Variants in PCDH11X observed in about 807,000 individuals in gnomAD.
PCDH11X encodes the protein protocadherin 11 X-linked, also known as protocadherin-11 X-linked.
Under a neutral mutation model 53.3 loss-of-function variants are expected in PCDH11X, and 18 were observed. That is an observed-to-expected ratio of 0.34 (90% CI 0.23 to 0.50). PCDH11X has a LOEUF of 0.50. Ranked by LOEUF, PCDH11X falls within the 20% of genes least tolerant of loss-of-function variation. The pLI is 0.98. For missense variants in PCDH11X, 570 were observed against 1,032.4 expected (o/e 0.55, Z 6.14); for synonymous variants, 279 against 393.3 (o/e 0.71, Z 3.44).
intron 8 of PCDH11X, among the ~76,000 whole-genome samples, chrX:92,290,592 C>T (rs781460650): frequency 1.6e-4 from 18 of 112,257 alleles, no homozygotes; most frequent in African/African-American, 4.2e-4. Flanking sequence ...AAATTATCCT[C>T]TTATGTTGTC....
intron 6 of PCDH11X, among the ~76,000 whole-genome samples, chrX:91,993,598 TCCCC>T (rs1423482731): frequency 7.2e-5 from 8 of 110,690 alleles, no homozygotes; most frequent in Non-Finnish European, 1.3e-4. Context: ...GGCTTTTTTC[TCCCC>T]CTCCTTTAGA....
intron 5 of PCDH11X, among the ~76,000 whole-genome samples, chrX:91,852,812 G>A (rs1397121306): frequency 1.9e-5 from 2 of 107,424 alleles, no homozygotes; most frequent in Non-Finnish European, 3.8e-5. Flanking sequence ...ATGTTTTCTC[G>A]GGTTGCGGTG....
chrX:92,149,382 T>C (rs903378809), intron 6 of PCDH11X, among the ~76,000 whole-genome samples: 2 of 110,123 alleles, frequency 1.8e-5, no homozygotes, highest in Non-Finnish European at 3.8e-5. Flanking sequence ...AGACAATCCA[T>C]TTGTGACAAG....
chrX:91,886,265 G>A (rs962669118), intron 6 of PCDH11X, among the ~76,000 whole-genome samples: 1 of 110,605 alleles, frequency 9.0e-6, no homozygotes, highest in African/African-American at 3.3e-5. Flanking sequence ...TGGTCTCTCT[G>A]GTTCTTATTC....
At chrX:92,598,234 C>A (rs185766651) in intron 10 of PCDH11X, among the ~76,000 whole-genome samples, 11,766 of 110,096 alleles carry the variant, frequency 0.11, 715 homozygotes, top group African/African-American at 0.22. Flanking sequence ...AAACAATCAA[C>A]AAAGTGAAGA....
intron 6 of PCDH11X, among the ~76,000 whole-genome samples, chrX:92,147,014 A>G (rs1173168351): frequency 1.8e-5 from 2 of 110,583 alleles, no homozygotes; most frequent in African/African-American, 6.6e-5. Context: ...AAAGAAATAA[A>G]TACTCAGAGA....
intron 6 of PCDH11X, among the ~76,000 whole-genome samples, chrX:92,064,552 C>T (rs2063577230): frequency 9.2e-6 from 1 of 109,226 alleles, no homozygotes; most frequent in Non-Finnish European, 1.9e-5. Flanking sequence ...ACTATGTGGT[C>T]AGTCTTTCCT....
intron 6 of PCDH11X, among the ~76,000 whole-genome samples, chrX:92,054,393 G>C (rs1453874839): frequency 9.0e-6 from 1 of 111,625 alleles, no homozygotes; most frequent in African/African-American, 3.3e-5. Flanking sequence ...AATCCAACAA[G>C]ATATTTTATG....
chrX:92,575,892 G>T, intron 10 of PCDH11X, among the ~76,000 whole-genome samples: 1 of 65,650 alleles, frequency 1.5e-5, no homozygotes, highest in Non-Finnish European at 2.8e-5. Context: ...GAATTTTGTA[G>T]GTTACCTGGT....
chrX:92,062,348 C>A (rs750365431), intron 6 of PCDH11X, among the ~76,000 whole-genome samples: 1 of 111,151 alleles, frequency 9.0e-6, no homozygotes, highest in Non-Finnish European at 1.9e-5. Context: ...ATTCCTAGGA[C>A]TTCCAGTACT....
chrX:92,292,212 TCTG>T (rs201378066), intron 8 of PCDH11X, among the ~76,000 whole-genome samples: 3,617 of 111,740 alleles, frequency 0.032, 112 homozygotes, highest in East Asian at 0.26. Context: ...CTTCTCAAAG[TCTG>T]CTGCAGAAAA....
At chrX:92,155,907 C>A (rs969620420) in intron 6 of PCDH11X, among the ~76,000 whole-genome samples, 4 of 108,481 alleles carry the variant, frequency 3.7e-5, no homozygotes, top group African/African-American at 1.0e-4. Context: ...GGATTACAGG[C>A]GTGAGCCACC....
At chrX:91,968,533 G>C (rs2061899267) in intron 6 of PCDH11X, among the ~76,000 whole-genome samples, 1 of 111,014 alleles carries the variant, frequency 9.0e-6, no homozygotes, top group Non-Finnish European at 1.9e-5. Context: ...CAGCAAAAGT[G>C]ATTTATTTAT....
chrX:92,099,952 C>T (rs1399176934), intron 6 of PCDH11X, among the ~76,000 whole-genome samples: 3 of 111,048 alleles, frequency 2.7e-5, no homozygotes, highest in African/African-American at 9.8e-5. Context: ...ATGATGGCTG[C>T]ACTCCATATA....
At chrX:92,293,888 C>T (rs2068552759) in intron 8 of PCDH11X, among the ~76,000 whole-genome samples, 1 of 106,917 alleles carries the variant, frequency 9.4e-6, no homozygotes, top group South Asian at 4.5e-4. Flanking sequence ...AATGTGGAAC[C>T]CTAGATGGGA....
intron 9 of PCDH11X, among the ~76,000 whole-genome samples, chrX:92,466,915 GT>G (rs1258121632): frequency 9.1e-6 from 1 of 109,394 alleles, no homozygotes; most frequent in East Asian, 2.9e-4. Context: ...GTTTAAAGCA[GT>G]CTTTCTCTTT....
chrX:92,282,483 A>C (rs2068272249), intron 8 of PCDH11X, among the ~76,000 whole-genome samples: 1 of 112,053 alleles, frequency 8.9e-6, no homozygotes, highest in Admixed American at 9.5e-5. Flanking sequence ...TATATCGTTC[A>C]GCTATCTGAC....
intron 6 of PCDH11X, among the ~76,000 whole-genome samples, chrX:91,906,720 T>C (rs1257490180): frequency 8.9e-6 from 1 of 111,865 alleles, no homozygotes; most frequent in Non-Finnish European, 1.9e-5. Flanking sequence ...AACGCCTTTA[T>C]TAACTTCGTA....
Position 92,113,561 on chromosome X carries a change from C to T in PCDH11X, c.3034-87814C>T, listed in dbSNP as rs1193799160. On this transcript the variant is annotated intron_variant, in intron 6 of 10. Transcript: ENST00000682573. ...TTTTGGTCCATATCTCCATGCATGG[C>T]GGAGACAGTGAAATCTCGAGCATGC... is the stretch of plus-strand genomic sequence containing the variant. 5.5e-5 allele frequency: 66 copies of T among 1,196,055 alleles called. No homozygotes were observed. The Admixed American group carries it at 1.0e-3, about 18-fold the overall frequency.
Sources: allele counts gnomAD v4.1 joint callset (sites outside exome capture counted in the v4.1 genomes callset), GRCh38; gene constraint gnomAD v4.1.1; transcripts MANE v1.5; gene names NCBI Gene and HGNC (gene_info 2026-07-23, HGNC 2026-07-21).